The following HBP1 variants were observed in gnomAD, a reference collection of about 807,000 sequenced individuals.
HBP1 encodes HMG-box transcription factor 1, also known as HMG box-containing protein 1.
HBP1 carries 20 observed loss-of-function variants against 62.6 expected under a neutral mutation model. The ratio of observed to expected loss-of-function variants is 0.32; its 90% confidence interval spans 0.22 to 0.46. HBP1 has a LOEUF of 0.46. Ranked by LOEUF, HBP1 falls within the 20% of genes least tolerant of loss-of-function variation. The pLI is 1.00. For synonymous variants in HBP1, 232 were observed against 206.2 expected (o/e 1.12, Z -1.07); for missense variants, 480 against 611.8 (o/e 0.78, Z 2.27).
chr7:107,197,986 A>C (rs925677672), intron 9 of HBP1, among the ~76,000 whole-genome samples: 1 of 152,100 alleles, frequency 6.6e-6, no homozygotes, highest in Non-Finnish European at 1.5e-5. Flanking sequence ...TAATTATTAA[A>C]CATATCCTTT....
At chr7:107,171,645 C>A (rs1796600829) in intron 1 of HBP1, among the ~76,000 whole-genome samples, 1 of 151,950 alleles carries the variant, frequency 6.6e-6, no homozygotes. Flanking sequence ...GGGTGGATCA[C>A]CTGAGGTCAG....
chr7:107,173,409 G>C (rs1796696432), intron 1 of HBP1: 1 of 152,114 alleles, frequency 6.6e-6, no homozygotes, highest in Non-Finnish European at 1.5e-5. Context: ...CTTGAAAGCA[G>C]GAAGTAACCC....
rs1797160504 is a variant in HBP1 at position 107,182,555 on chromosome 7, G to A, written c.352G>A (p.Ala118Thr). ...VDWLTELANI[A>T]TSPQSPLMQC... is the part of the protein sequence containing the mutation. ...CTGGCTAACAGAATTGGCAAATATC[G>A]CGACCAGTCCACAAAGTCCACTGAT... The change falls in exon 3 of 11, where the codon GCG becomes ACG. Residue 118 changes from alanine to threonine, a missense_variant. By Grantham distance (58) the Ala-to-Thr change is moderately conservative (BLOSUM62 0). Around this residue, in one of 4 missense-constraint regions of HBP1, gnomAD observed 304 missense variants for 330.9 expected, o/e 0.92. Transcript: ENST00000222574. 1.9e-6 allele frequency: 3 copies of A among 1,612,660 alleles called. No individual in the cohort carries two copies. Among genetic ancestry groups the A allele is most frequent in the Non-Finnish European group, 1.7e-6 (2 of 1,178,840 alleles).
At chr7:107,171,604 C>G (rs868698275) in intron 1 of HBP1, among the ~76,000 whole-genome samples, 1 of 152,090 alleles carries the variant, frequency 6.6e-6, no homozygotes, top group Admixed American at 6.5e-5. Context: ...CGGTGTCTCA[C>G]GCCTGTCCCA....
intron 8 of HBP1, chr7:107,193,318 A>AGG (rs1326744643): frequency 6.6e-6 from 1 of 152,196 alleles, no homozygotes; most frequent in Non-Finnish European, 1.5e-5. Context: ...AGTAAAGTTG[A>AGG]GAGAGGTTAA....
chr7:107,196,037 G>A lies in HBP1; in HGVS notation c.1271G>A (p.Gly424Glu). The change falls in exon 9 of 11, where the codon GGG becomes GAG. Residue 424 changes from glycine to glutamate, a missense_variant. By Grantham distance (98) the Gly-to-Glu change is moderately conservative (BLOSUM62 -2). Transcript: ENST00000222574. ...AAAGCTGTCAAAAACCACAGCTCAG[G>A]GACTGTGAGTGCCACTTCTCCTAAT... ...YAKAVKNHSS[G>E]TVSATSPNKC... 6.2e-7 allele frequency: 1 copy of A among 1,613,718 alleles called. No homozygotes were observed. The highest frequency in any genetic ancestry group is 8.5e-7 in the Non-Finnish European group (1 of 1,179,758).
At chr7:107,170,332 AC>A (rs1796493031) in intron 1 of HBP1, among the ~76,000 whole-genome samples, 1 of 152,190 alleles carries the variant, frequency 6.6e-6, no homozygotes, top group Non-Finnish European at 1.5e-5. Flanking sequence ...AATTAAAGGT[AC>A]TTTTTGAGAA....
chr7:107,196,395 A>G (rs975203275), intron 9 of HBP1: 1 of 462,638 alleles, frequency 2.2e-6, no homozygotes, highest in South Asian at 1.9e-5. Context: ...CAGCCTCTCA[A>G]GTAGCTGAGA....
At chr7:107,195,072 ACT>A (rs2115971895) in intron 8 of HBP1, among the ~76,000 whole-genome samples, 1 of 152,152 alleles carries the variant, frequency 6.6e-6, no homozygotes, top group South Asian at 2.1e-4. Context: ...ACGGAGTCTC[ACT>A]CTGTTGCCCA....
Position 107,182,589 on chromosome 7 carries a change from C to T in HBP1, c.386C>T (p.Ser129Leu), listed in dbSNP as rs1465953493. The T allele has an allele frequency of 6.4e-7, 1 of 1,554,080 alleles. No individual in the cohort carries two copies. The highest frequency in any genetic ancestry group is 1.4e-5 in the African/African-American group (1 of 73,876). ...TSPQSPLMQC[S>L]FYNRSSPVHI... ...CCACAAAGTCCACTGATGCAGTGCT[C>T]ATTTTACAATAGGTAGGAGCATTTA... Residue 129 changes from serine to leucine, a missense_variant, in exon 3 of 11, where the codon TCA becomes TTA. Around this residue, in one of 4 missense-constraint regions of HBP1, gnomAD observed 304 missense variants for 330.9 expected, o/e 0.92. Coordinates refer to ENST00000222574, the MANE Select transcript of HBP1 (RefSeq NM_012257.4).
intron 1 of HBP1, among the ~76,000 whole-genome samples, chr7:107,177,493 A>G (rs1796910165): frequency 1.3e-5 from 2 of 152,248 alleles, no homozygotes; most frequent in East Asian, 3.8e-4. Context: ...AGAACGCTGT[A>G]TCTAGCAATC....
chr7:107,190,134 G>C, intron 7 of HBP1, 39 bp from the exon 8 acceptor site: 1 of 1,535,250 alleles, frequency 6.5e-7, no homozygotes, highest in Non-Finnish European at 8.8e-7. Flanking sequence ...GGTGCTTTCT[G>C]TGAGTCCTCA....
chr7:107,182,549 A>T lies in HBP1; in HGVS notation c.346A>T (p.Asn116Tyr). The T allele has an allele frequency of 6.2e-7, 1 of 1,613,464 alleles. No homozygotes were observed. The highest frequency in any genetic ancestry group is 8.5e-7 in the Non-Finnish European group (1 of 1,179,426). The change falls in exon 3 of 11, where the codon AAT becomes TAT. Residue 116 changes from asparagine to tyrosine, a missense_variant. By Grantham distance (143) the Asn-to-Tyr change is moderately radical. Transcript: ENST00000222574. ...NEVDWLTELA[N>Y]IATSPQSPLM... is the part of the protein sequence containing the mutation. ...GGTGGACTGGCTAACAGAATTGGCA[A>T]ATATCGCGACCAGTCCACAAAGTCC... is the stretch of plus-strand genomic sequence containing the variant.
chr7:107,184,509 T>TTTTTTG (rs1436043120), intron 3 of HBP1, among the ~76,000 whole-genome samples: 1 of 152,176 alleles, frequency 6.6e-6, no homozygotes, highest in Non-Finnish European at 1.5e-5. Flanking sequence ...CCTTTCTCTC[T>TTTTTTG]TTTTTGTTTT....
At chr7:107,176,689 A>T (rs1205056300) in intron 1 of HBP1, among the ~76,000 whole-genome samples, 1 of 144,480 alleles carries the variant, frequency 6.9e-6, no homozygotes, top group African/African-American at 2.8e-5. Context: ...TGATGAAATT[A>T]AATTTGCTCC....
rs1797377040 is a variant in HBP1, at chr7:107,186,418, G to A, written c.598G>A (p.Asp200Asn). The A allele has an allele frequency of 6.2e-7, 1 of 1,613,472 alleles. No individual in the cohort carries two copies. Among genetic ancestry groups the A allele is most frequent in the Non-Finnish European group, 8.5e-7 (1 of 1,179,540 alleles). The change falls in exon 5 of 11, where the codon GAT becomes AAT. Residue 200 changes from aspartate (D) to asparagine (N), a missense_variant. Transcript: ENST00000222574. Reference sequence around the variant, plus strand: ...CATGTCCTCCCTGTCAGATGATGATGATTTGGGATGGTGCAATTCCTGGCC... The same window carrying A: ...CATGTCCTCCCTGTCAGATGATGATAATTTGGGATGGTGCAATTCCTGGCC... ...FCMSSLSDDD[D>N]LGWCNSWPST...
At chr7:107,174,436 A>G (rs1228371593) in intron 1 of HBP1, 3 of 981,244 alleles carry the variant, frequency 3.1e-6, no homozygotes, top group South Asian at 4.7e-5. Context: ...TCTTTTTCCA[A>G]CTTCATTTAA....
intron 6 of HBP1, 152 bp downstream of exon 6, chr7:107,186,833 T>C (rs1797400498): frequency 3.3e-6 from 2 of 613,512 alleles, no homozygotes; most frequent in Non-Finnish European, 5.8e-6. Flanking sequence ...CATTGCTTAG[T>C]CTGATGGGGA....
intron 3 of HBP1, among the ~76,000 whole-genome samples, chr7:107,183,655 T>C (rs796450681): frequency 9.2e-5 from 14 of 152,238 alleles, no homozygotes; most frequent in African/African-American, 3.4e-4. Context: ...ATTTTTTTTT[T>C]CTTTCTCTAG....
Sources: allele counts gnomAD v4.1 joint callset (sites outside exome capture counted in the v4.1 genomes callset), GRCh38; gene constraint gnomAD v4.1.1; regional missense constraint gnomAD v4.1.1; transcripts MANE v1.5; gene names NCBI Gene and HGNC (gene_info 2026-07-23, HGNC 2026-07-21).